REEP1: variants seen among roughly 807,000 people sequenced by gnomAD.
REEP1 encodes the protein receptor expression-enhancing protein 1.
Under a neutral mutation model 40.3 loss-of-function variants are expected in REEP1, and 22 were observed. That is an observed-to-expected ratio of 0.55 (90% CI 0.39 to 0.78). The LOEUF is 0.78. Ranked by LOEUF, REEP1 falls within the 30% of genes least tolerant of loss-of-function variation. The pLI, the probability that REEP1 is intolerant of heterozygous loss-of-function variation, is 0.00. For synonymous variants in REEP1, 116 were observed against 139.2 expected (o/e 0.83, Z 1.17); for missense variants, 280 against 361.1 (o/e 0.78, Z 1.82).
chr2:86,272,112 C>T (rs1574064748), intron 2 of REEP1, among the ~76,000 whole-genome samples: 1 of 152,274 alleles, frequency 6.6e-6, no homozygotes, highest in East Asian at 1.9e-4. Flanking sequence ...ATCCTAGCTA[C>T]TCAGGAGGCT....
intron 1 of REEP1, among the ~76,000 whole-genome samples, chr2:86,329,245 G>T (rs754994363): frequency 1.3e-5 from 2 of 152,176 alleles, no homozygotes; most frequent in African/African-American, 2.4e-5. Context: ...TACAGGATGC[G>T]GGGTGTGGCG....
intron 2 of REEP1, among the ~76,000 whole-genome samples, chr2:86,270,089 A>G (rs750342812): frequency 7.9e-5 from 12 of 152,258 alleles, no homozygotes; most frequent in Non-Finnish European, 1.6e-4. Context: ...AACTTTTATT[A>G]TGAAAACTAA....
chr2:86,318,362 T>C (rs1680122540), intron 1 of REEP1, among the ~76,000 whole-genome samples: 1 of 151,770 alleles, frequency 6.6e-6, no homozygotes, highest in Non-Finnish European at 1.5e-5. Context: ...TTATTTTGCT[T>C]TTTTTCTGGA....
At chr2:86,320,971 AC>A (rs1413109321) in intron 1 of REEP1, among the ~76,000 whole-genome samples, 1 of 152,194 alleles carries the variant, frequency 6.6e-6, no homozygotes, top group Admixed American at 6.5e-5. Context: ...GGTGCCCGCC[AC>A]CAAGTCTGGC....
At chr2:86,268,729 T>C (rs1470062613) in intron 2 of REEP1, among the ~76,000 whole-genome samples, 1 of 152,084 alleles carries the variant, frequency 6.6e-6, no homozygotes, top group Non-Finnish European at 1.5e-5. Flanking sequence ...CAAAACTTAA[T>C]GTAAAGCTAA....
At chr2:86,313,221 C>A (rs956226299) in intron 1 of REEP1, among the ~76,000 whole-genome samples, 1 of 152,104 alleles carries the variant, frequency 6.6e-6, no homozygotes, top group South Asian at 2.1e-4. Context: ...GTGATCCTCC[C>A]GCCTCAGGCT....
In REEP1 at chr2:86,296,968, G is replaced by A. The variant is rs192904087; in HGVS notation, c.33-14726C>T. Reference sequence around the variant, plus strand: ...AAAACAATCAAAACAGCGAGGGACCGTGTTGCTCCCTCCATGTCGTGGATC... The same window carrying A: ...AAAACAATCAAAACAGCGAGGGACCATGTTGCTCCCTCCATGTCGTGGATC... On this transcript the variant is annotated intron_variant, in intron 1 of 8. Coordinates refer to ENST00000538924, the MANE Select transcript of REEP1 (RefSeq NM_001371279.1). Among the ~76,000 whole-genome samples the A allele has an allele frequency of 2.9e-3, 442 of 152,296 alleles. 3 individuals are homozygous for A. Among genetic ancestry groups the A allele is most frequent in the Admixed American group, 5.2e-3 (80 of 15,296 alleles).
intron 6 of REEP1, among the ~76,000 whole-genome samples, chr2:86,230,241 T>C (rs1346044174): frequency 6.6e-6 from 1 of 152,234 alleles, no homozygotes. Flanking sequence ...GCTGGGAAGA[T>C]ACTCCAGGCC....
intron 4 of REEP1, among the ~76,000 whole-genome samples, chr2:86,253,587 A>C (rs530553467): frequency 1.3e-5 from 2 of 152,296 alleles, no homozygotes; most frequent in African/African-American, 4.8e-5. Flanking sequence ...GCTTCAGGGG[A>C]AGCCCAGCAT....
At chr2:86,266,152 T>C (rs1574055895) in intron 2 of REEP1, among the ~76,000 whole-genome samples, 1 of 152,350 alleles carries the variant, frequency 6.6e-6, no homozygotes, top group East Asian at 1.9e-4. Context: ...CGTTTTGAGT[T>C]AACTAGATAT....
At chr2:86,286,899 A>G (rs139698096) in intron 1 of REEP1, among the ~76,000 whole-genome samples, 20 of 152,330 alleles carry the variant, frequency 1.3e-4, no homozygotes, top group African/African-American at 4.6e-4. Context: ...TGCTGGCAAT[A>G]TATTTTTCTA....
At chr2:86,253,152 G>A (rs1215724731) in intron 4 of REEP1, among the ~76,000 whole-genome samples, 2 of 152,090 alleles carry the variant, frequency 1.3e-5, no homozygotes, top group East Asian at 1.9e-4. Flanking sequence ...ATGGTGGCAC[G>A]TGCCTATAGT....
chr2:86,274,784 T>A (rs1677651375), intron 2 of REEP1, among the ~76,000 whole-genome samples: 3 of 151,312 alleles, frequency 2.0e-5, no homozygotes, highest in African/African-American at 7.3e-5. Context: ...GACTGGGGAG[T>A]CTCTCTAAAC....
Position 86,333,627 on chromosome 2 carries a change from T to A in REEP1, c.32+3852A>T, listed in dbSNP as rs552826670. ...GCCAAGACAATGAGGCAATACCTGCTCCTTAGAATAATGCTTCAAAATGGC... is the reference window on the plus strand; with the variant it reads ...GCCAAGACAATGAGGCAATACCTGCACCTTAGAATAATGCTTCAAAATGGC... On this transcript the variant is annotated intron_variant, in intron 1 of 8. Transcript: ENST00000538924. 3.9e-5 allele frequency among the ~76,000 whole-genome samples: 6 copies of A among 152,298 alleles called. No homozygotes were observed. The South Asian group carries it at 1.0e-3, about 26-fold the overall frequency.
At position 86,254,708 on chromosome 2, in the gene REEP1, A is replaced by T. The variant is rs1558891694; in HGVS notation, c.289T>A (p.Ser97Thr). The T allele has an allele frequency of 1.2e-6, 2 of 1,613,618 alleles. No homozygotes were observed. Among genetic ancestry groups the T allele is most frequent in the Admixed American group, 3.3e-5 (2 of 60,010 alleles). ...GCATATATTACCTTTTCTTTTGAAGATAGCGTGGGATGTACAAACTTCCTG... is the reference window on the plus strand; with the variant it reads ...GCATATATTACCTTTTCTTTTGAAGTTAGCGTGGGATGTACAAACTTCCTG... ...LYRKFVHPTL[S>T]SKEKEIDDCL... Residue 97 changes from serine to threonine, a missense_variant, in exon 4 of 9, where the codon TCT becomes ACT. By Grantham distance (58) the Ser-to-Thr change is moderately conservative. Transcript: ENST00000538924.
In REEP1 at chr2:86,316,624, C is replaced by T. The variant is rs1306740626; in HGVS notation, c.32+20855G>A. Reference sequence around the variant, plus strand: ...CTGTAATCCCAGCACTTTGGGAGGCCGAGGTGGGCAGATCACCTGAGGTCA... The same window carrying T: ...CTGTAATCCCAGCACTTTGGGAGGCTGAGGTGGGCAGATCACCTGAGGTCA... On this transcript the variant is annotated intron_variant, in intron 1 of 8. Coordinates refer to ENST00000538924, the MANE Select transcript of REEP1 (RefSeq NM_001371279.1). Among the ~76,000 whole-genome samples, 3 of 150,530 alleles carry T rather than the reference C, an allele frequency of 2.0e-5. No homozygotes were observed. The East Asian group carries it at 5.9e-4, about 30-fold the overall frequency.
chr2:86,337,696 G>T, upstream of REEP1: 1 of 987,228 alleles, frequency 1.0e-6, no homozygotes, highest in African/African-American at 1.8e-5. The surrounding 1 kb of genome is among the most constrained non-coding windows in gnomAD (Gnocchi z 5.8). Flanking sequence ...CGGCGGCGGC[G>T]GCGGCCCCAG....
In REEP1 at chr2:86,232,611, A is replaced by G. The variant is rs115971425; in HGVS notation, c.595+14T>C. 48 of 1,611,840 alleles carry G rather than the reference A, an allele frequency of 3.0e-5. No individual in the cohort carries two copies. Among genetic ancestry groups the G allele is most frequent in the Non-Finnish European group, 4.0e-5 (47 of 1,179,860 alleles). On this transcript the variant is annotated intron_variant, in intron 6 of 8. Coordinates refer to ENST00000538924, the MANE Select transcript of REEP1 (RefSeq NM_001371279.1). The stretch of plus-strand genomic sequence containing the variant: ...CCAAGGAGTGGGAAAGAGGGGAAGT[A>G]AAGTGACACCTACCTGAGCTGCTAG...
chr2:86,273,850 C>T (rs1331777025), intron 2 of REEP1, among the ~76,000 whole-genome samples: 2 of 152,130 alleles, frequency 1.3e-5, no homozygotes, highest in Non-Finnish European at 2.9e-5. Context: ...CCTGTTTATT[C>T]CCCTGCTTTT....
Sources: gnomAD v4.1 joint callset for allele counts (sites outside exome capture counted in the v4.1 genomes callset) on GRCh38, gnomAD v4.1.1 for gene constraint, Gnocchi (gnomAD v3.1) non-coding constraint, MANE v1.5 for transcripts, NCBI Gene and HGNC (gene_info 2026-07-23, HGNC 2026-07-21) for gene names.